MMP26: variants seen among roughly 807,000 people sequenced by gnomAD.
MMP26 encodes matrix metalloproteinase-26.
A neutral mutation model predicts 31.0 loss-of-function variants in MMP26; 33 were observed. The observed-to-expected ratio is 1.06, with a 90% confidence interval of 0.81 to 1.42. The LOEUF (loss-of-function observed/expected upper bound fraction) is 1.42. Ranked by LOEUF, MMP26 falls within the 40% of genes most tolerant of loss-of-function variation. MMP26 has a pLI of 0.00. For missense variants in MMP26, 347 were observed against 316.1 expected (o/e 1.10, Z -0.74); for synonymous variants, 122 against 114.9 (o/e 1.06, Z -0.40).
chr11:4,928,866 A>G (rs186171900), intron 2 of MMP26, among the ~76,000 whole-genome samples: 2 of 152,266 alleles, frequency 1.3e-5, no homozygotes, highest in African/African-American at 4.8e-5. Context: ...TTGCAGTGGA[A>G]TATTAAAGCT....
At chr11:4,867,231 T>G (rs1434385323) in intron 2 of MMP26, among the ~76,000 whole-genome samples, 1 of 151,504 alleles carries the variant, frequency 6.6e-6, no homozygotes, top group Non-Finnish European at 1.5e-5. Flanking sequence ...TTAAACAAAT[T>G]TACAAGAAAA....
Position 4,992,361 on chromosome 11 carries a change from C to T in MMP26, c.*119C>T. ...AGGATGAAGCCCTAAAGAATGCAAC[C>T]TAGTCAGGTTAGCTGAACCGACACT... On this transcript the variant is annotated 3_prime_UTR_variant, in exon 8 of 8. Transcript: ENST00000380390. 4.2e-6 allele frequency: 4 copies of T among 945,172 alleles called. No homozygotes were observed. The allele number at this position is 945,172 out of a possible 1,614,324, so 58.5% of individuals were successfully genotyped here.
chr11:4,885,107 G>GA (rs1216763441), intron 2 of MMP26, among the ~76,000 whole-genome samples: 1 of 151,992 alleles, frequency 6.6e-6, no homozygotes, highest in Non-Finnish European at 1.5e-5. Context: ...CACTTAAAAA[G>GA]AAAAAATTTC....
At chr11:4,848,773 T>C (rs1189899969) in intron 2 of MMP26, 9 of 1,613,718 alleles carry the variant, frequency 5.6e-6, no homozygotes, top group Non-Finnish European at 6.8e-6. Context: ...ATTACACCAT[T>C]GGTGAGGAGC....
chr11:4,816,765 G>A (rs917583016), intron 2 of MMP26, among the ~76,000 whole-genome samples: 16 of 143,698 alleles, frequency 1.1e-4, no homozygotes, highest in Middle Eastern at 4.2e-3. Context: ...ACTCAGTGGC[G>A]GGATCTCGGC....
chr11:4,902,855 C>G (rs1229327305), intron 2 of MMP26, among the ~76,000 whole-genome samples: 5 of 151,950 alleles, frequency 3.3e-5, no homozygotes, highest in African/African-American at 1.2e-4. Context: ...TTTTAAATTT[C>G]TATTCATTTC....
At chr11:4,771,336 A>G (rs888298691) in intron 2 of MMP26, among the ~76,000 whole-genome samples, 3 of 152,188 alleles carry the variant, frequency 2.0e-5, no homozygotes, top group Admixed American at 6.5e-5. Flanking sequence ...GTAAGTGTCA[A>G]ATATGTAAGT....
intron 2 of MMP26, among the ~76,000 whole-genome samples, chr11:4,957,163 G>A (rs957674978): frequency 8.5e-5 from 13 of 152,164 alleles, no homozygotes; most frequent in African/African-American, 1.7e-4. Context: ...AATGTAGCTC[G>A]TGAGAAGTAA....
intron 2 of MMP26, among the ~76,000 whole-genome samples, chr11:4,925,023 T>C (rs944750258): frequency 6.6e-6 from 1 of 152,246 alleles, no homozygotes; most frequent in Non-Finnish European, 1.5e-5. Flanking sequence ...GTCACATGCA[T>C]TAAAATCCTA....
chr11:4,824,482 A>G (rs1849555269), intron 2 of MMP26, among the ~76,000 whole-genome samples: 2 of 152,120 alleles, frequency 1.3e-5, no homozygotes, highest in Non-Finnish European at 2.9e-5. Flanking sequence ...TTTCCACAGA[A>G]GCATCTTTCA....
At chr11:4,959,080 T>C (rs1846483906) in intron 2 of MMP26, among the ~76,000 whole-genome samples, 1 of 151,576 alleles carries the variant, frequency 6.6e-6, no homozygotes, top group Non-Finnish European at 1.5e-5. Flanking sequence ...CTACTAAAAA[T>C]ACAAAAAATT....
chr11:4,893,942 T>TA (rs555259201), intron 2 of MMP26, among the ~76,000 whole-genome samples: 175 of 139,428 alleles, frequency 1.3e-3, no homozygotes, highest in African/African-American at 2.5e-3. Flanking sequence ...TCTACAAAAA[T>TA]AAAAAAAAAA....
At chr11:4,922,957 AAAAT>A (rs1394689401) in intron 2 of MMP26, among the ~76,000 whole-genome samples, 1 of 152,218 alleles carries the variant, frequency 6.6e-6, no homozygotes, top group African/African-American at 2.4e-5. Context: ...AAGTAACATA[AAAAT>A]AAATAAATAA....
Position 4,841,328 on chromosome 11 carries a change from T to C in MMP26, c.-145+73987T>C, listed in dbSNP as rs75073906. On this transcript the variant is annotated intron_variant, in intron 2 of 7. Transcript: ENST00000380390. ...ATAAAAGTACAAGAAGGTTAGAGAATACCGAATCAATTTAACCCCCAAAAT... is the reference window on the plus strand; with the variant it reads ...ATAAAAGTACAAGAAGGTTAGAGAACACCGAATCAATTTAACCCCCAAAAT... Among the ~76,000 whole-genome samples, 819 of 152,230 alleles carry C rather than the reference T, an allele frequency of 5.4e-3. 9 individuals carry two copies. Among genetic ancestry groups the C allele is most frequent in the African/African-American group, 0.018 (751 of 41,542 alleles).
At chr11:4,883,462 T>G (rs1318757327) in intron 2 of MMP26, among the ~76,000 whole-genome samples, 1 of 152,156 alleles carries the variant, frequency 6.6e-6, no homozygotes, top group Non-Finnish European at 1.5e-5. Context: ...CTTTAATCCC[T>G]TTTCTTCTTA....
intron 2 of MMP26, chr11:4,924,482 G>A: frequency 2.5e-6 from 2 of 811,332 alleles, no homozygotes; most frequent in Non-Finnish European, 1.9e-6. Context: ...GAACTGGGTG[G>A]GGGCTGATCT....
chr11:4,869,240 T>C (rs1461663714), intron 2 of MMP26, among the ~76,000 whole-genome samples: 1 of 151,818 alleles, frequency 6.6e-6, no homozygotes, highest in Non-Finnish European at 1.5e-5. Context: ...ACTAAAGAGC[T>C]TCTGCACAGC....
At chr11:4,882,319 C>T (rs201593644) in intron 2 of MMP26, 1 of 1,613,912 alleles carries the variant, frequency 6.2e-7, no homozygotes, top group African/African-American at 1.3e-5. Flanking sequence ...TCCTCACAGA[C>T]AGGATGGTCC....
At chr11:4,908,069 C>T (rs141360302) in intron 2 of MMP26, 1 of 1,614,000 alleles carries the variant, frequency 6.2e-7, no homozygotes, top group Non-Finnish European at 8.5e-7. Flanking sequence ...GGCAGAGAGG[C>T]TTAAGGCCCT....
Sources: gnomAD v4.1 joint callset for allele counts (sites outside exome capture counted in the v4.1 genomes callset) on GRCh38, gnomAD v4.1.1 for gene constraint, MANE v1.5 for transcripts, NCBI Gene and HGNC (gene_info 2026-07-23, HGNC 2026-07-21) for gene names.